The following ABCC3 variants were observed in gnomAD, a reference collection of about 807,000 sequenced individuals.
ABCC3 encodes the protein ATP binding cassette subfamily C member 3, also known as ATP-binding cassette sub-family C member 3.
ABCC3 carries 121 observed loss-of-function variants against 165.3 expected under a neutral mutation model. The observed-to-expected ratio is 0.73, with a 90% CI of 0.63 to 0.85. The LOEUF is 0.85. Among genes scored for constraint, ABCC3 ranks in the 40% least tolerant of loss-of-function variants. The pLI is 0.00. For synonymous variants in ABCC3, 733 were observed against 810.1 expected (o/e 0.90, Z 1.62); for missense variants, 1,869 against 1,964.1 (o/e 0.95, Z 0.92).
At position 50,659,365 on chromosome 17, in the gene ABCC3, C is replaced by T; in HGVS notation, c.803C>T (p.Ala268Val). 6.2e-7 allele frequency: 1 copy of T among 1,607,484 alleles called. No individual in the cohort carries two copies. The highest frequency in any genetic ancestry group is 1.7e-5 in the Admixed American group (1 of 59,862). The part of the protein sequence containing the change: ...EAWRKQEKQT[A>V]RHKASAAPGK... ...TGGAGGAAGCAGGAAAAGCAGACGG[C>T]ACGGTGAGGCCCTCCCCTTGCCCCA... Residue 268 changes from alanine to valine, a missense_variant, in exon 7 of 31, where the codon GCA becomes GTA. By Grantham distance (64) the Ala-to-Val change is moderately conservative (BLOSUM62 0). Coordinates refer to ENST00000285238, the MANE Select transcript of ABCC3 (RefSeq NM_003786.4).
At chr17:50,646,960 C>T (rs112600641) in intron 1 of ABCC3, among the ~76,000 whole-genome samples, 2,700 of 152,314 alleles carry the variant, frequency 0.018, 77 homozygotes, top group African/African-American at 0.062. Flanking sequence ...CTCACTGCAA[C>T]CTCCGCCTCC....
chr17:50,650,709 T>A (rs1431955605), intron 1 of ABCC3, among the ~76,000 whole-genome samples: 1 of 152,202 alleles, frequency 6.6e-6, no homozygotes, highest in Non-Finnish European at 1.5e-5. Context: ...CTTCCTTGTA[T>A]ATTTTCATAT....
chr17:50,675,318 G>A, intron 19 of ABCC3, 44 bp from the exon 20 acceptor site: 2 of 1,445,784 alleles, frequency 1.4e-6, no homozygotes, highest in Non-Finnish European at 1.9e-6. Context: ...GGCTTGCAGG[G>A]AGAACTAGCT....
intron 17 of ABCC3, among the ~76,000 whole-genome samples, chr17:50,671,306 G>A (rs1967642156): frequency 6.6e-6 from 1 of 151,288 alleles, no homozygotes; most frequent in Admixed American, 6.6e-5. Context: ...TTAGTGTACA[G>A]TTCAGCAATG....
At chr17:50,637,684 C>G (rs1201950377) in intron 1 of ABCC3, among the ~76,000 whole-genome samples, 1 of 152,238 alleles carries the variant, frequency 6.6e-6, no homozygotes, top group African/African-American at 2.4e-5. Context: ...CCAACCCCTA[C>G]CCACCTCACA....
intron 3 of ABCC3, 54 bp downstream of exon 3, chr17:50,656,881 A>C (rs1010279162): frequency 2.6e-6 from 4 of 1,568,180 alleles, no homozygotes; most frequent in Non-Finnish European, 3.4e-6. Context: ...TGGGTTGTGG[A>C]CTGTGATAGG....
chr17:50,654,104 CA>C (rs1365236799), intron 1 of ABCC3, among the ~76,000 whole-genome samples: 1 of 151,998 alleles, frequency 6.6e-6, no homozygotes, highest in Non-Finnish European at 1.5e-5. Context: ...CCAAATCAAC[CA>C]AGAAACAGAA....
At chr17:50,681,550 A>G (rs925477898) in intron 26 of ABCC3, among the ~76,000 whole-genome samples, 1 of 151,926 alleles carries the variant, frequency 6.6e-6, no homozygotes, top group Non-Finnish European at 1.5e-5. Flanking sequence ...ACACACACGC[A>G]AACCCTCCCC....
chr17:50,683,730 AG>A lies in ABCC3; in HGVS notation c.3929del (p.Ser1310IlefsTer23). 1 of 1,606,934 alleles carries A rather than the reference AG, an allele frequency of 6.2e-7. No individual in the cohort carries two copies. ...CCTAGACCTGGTGCTGAGAGACCTGAGTCTGCATGTGCACGGTGGCGAGAAG... is the reference window on the plus strand; with the variant it reads ...CCTAGACCTGGTGCTGAGAGACCTGATCTGCATGTGCACGGTGGCGAGAAG... ...PGLDLVLRDL[S>X]LHVHGGEKVG... On this transcript the variant is annotated frameshift_variant, in exon 27 of 31. Transcript: ENST00000285238. LOFTEE classifies it high-confidence loss of function.
rs760364647 is a variant in ABCC3 at position 50,667,589 on chromosome 17, G to A, written c.1467G>A (p.Lys489=). 6.2e-7 allele frequency: 1 copy of A among 1,612,704 alleles called. No individual in the cohort carries two copies. Among genetic ancestry groups the A allele is most frequent in the South Asian group, 1.1e-5 (1 of 91,070 alleles). The change falls in exon 12 of 31, where the codon AAG becomes AAA. Residue 489 remains lysine, a synonymous_variant. Coordinates refer to ENST00000285238, the MANE Select transcript of ABCC3 (RefSeq NM_003786.4). ...KQMKLKDSRI[K]LMSEILNGIK... Reference sequence around the variant, plus strand: ...TGAAATTGAAGGACTCGCGCATCAAGCTGATGAGTGAGATCCTGAACGGCA... The same window carrying A: ...TGAAATTGAAGGACTCGCGCATCAAACTGATGAGTGAGATCCTGAACGGCA...
At chr17:50,660,812 A>G (rs1860659406) in intron 7 of ABCC3, 111 bp from the exon 8 acceptor site, 1 of 855,938 alleles carries the variant, frequency 1.2e-6, no homozygotes. Flanking sequence ...TCTGAGAGCC[A>G]AGAAAACAGC....
intron 26 of ABCC3, 131 bp from the exon 27 acceptor site, chr17:50,683,479 C>A: frequency 9.8e-7 from 1 of 1,023,080 alleles, no homozygotes; most frequent in Non-Finnish European, 1.3e-6. Context: ...AAGGCTGAGC[C>A]ACAGGGGTGC....
chr17:50,642,107 A>G (rs1322993970), intron 1 of ABCC3, among the ~76,000 whole-genome samples: 1 of 152,222 alleles, frequency 6.6e-6, no homozygotes, highest in Non-Finnish European at 1.5e-5. Context: ...TGTGAGAGAA[A>G]GAGAAGAATC....
At chr17:50,669,099 A>T in intron 15 of ABCC3, 41 bp from the exon 16 acceptor site, 2 of 1,587,702 alleles carry the variant, frequency 1.3e-6, no homozygotes, top group Non-Finnish European at 1.7e-6. Context: ...CAAAACCCTG[A>T]TCCCTGCCTC....
In ABCC3 at chr17:50,655,987, C is replaced by T; in HGVS notation, c.201C>T (p.Ser67=). 6.2e-7 allele frequency: 1 copy of T among 1,614,030 alleles called. No individual in the cohort carries two copies. The highest frequency in any genetic ancestry group is 8.5e-7 in the Non-Finnish European group (1 of 1,179,972). ...RHHCRGYIIL[S]HLSKLKMVLG... is the part of the protein sequence containing the mutation. ...ATTGTCGTGGCTACATCATCCTCTC[C>T]CACCTGTCCAAGCTCAAGATGGTCA... Residue 67 remains serine (S), a synonymous_variant, in exon 2 of 31, where the codon TCC becomes TCT. Coordinates refer to ENST00000285238, the MANE Select transcript of ABCC3 (RefSeq NM_003786.4).
intron 4 of ABCC3, 118 bp from the exon 5 acceptor site, chr17:50,657,964 C>G: frequency 7.2e-7 from 1 of 1,397,430 alleles, no homozygotes; most frequent in Non-Finnish European, 9.8e-7. Context: ...GACCTGGAGG[C>G]CCCCAGGTGC....
intron 23 of ABCC3, 118 bp from the exon 24 acceptor site, chr17:50,677,626 C>T (rs1000705409): frequency 7.9e-6 from 8 of 1,011,320 alleles, no homozygotes; most frequent in African/African-American, 1.6e-5. Context: ...AGCGATGTCT[C>T]GTGGTGGGAG....
chr17:50,641,962 G>A (rs1487462603), intron 1 of ABCC3, among the ~76,000 whole-genome samples: 1 of 151,248 alleles, frequency 6.6e-6, no homozygotes, highest in Non-Finnish European at 1.5e-5. Context: ...CAGGAGGATC[G>A]CTTGAGCCCA....
intron 1 of ABCC3, 33 bp downstream of exon 1, chr17:50,635,014 G>C (rs1416622911): frequency 8.0e-7 from 1 of 1,252,230 alleles, no homozygotes; most frequent in Admixed American, 4.2e-5. Context: ...CACTGCGCGG[G>C]GGCCAGGGTC....
Sources: gnomAD v4.1 joint callset for allele counts (sites outside exome capture counted in the v4.1 genomes callset) on GRCh38, gnomAD v4.1.1 for gene constraint, MANE v1.5 for transcripts, NCBI Gene and HGNC (gene_info 2026-07-23, HGNC 2026-07-21) for gene names.